Variants in ST18 observed in about 807,000 individuals in gnomAD.
ST18 encodes the protein suppression of tumorigenicity 18 protein.
In ST18, 50 loss-of-function variants were observed where a neutral mutation model predicts 110.0. The observed-to-expected ratio is 0.45, with a 90% CI of 0.36 to 0.58. The LOEUF is 0.58. ST18 is among the 20% of genes least tolerant of loss of function. The pLI, the probability that ST18 is intolerant of heterozygous loss-of-function variation, is 0.00. For synonymous variants in ST18, 461 were observed against 452.4 expected, an observed-to-expected ratio of 1.02 and a Z score of -0.24; for missense variants, 1,306 against 1,280.1, an observed-to-expected ratio of 1.02 and a Z score of -0.31.
chr8:52,166,735 G>A, intron 11 of ST18, 117 bp downstream of exon 11: 1 of 1,331,938 alleles, frequency 7.5e-7, no homozygotes, highest in Non-Finnish European at 9.9e-7. Flanking sequence ...GAATTGGCTT[G>A]ACATAGTTTA....
chr8:52,127,071 AAGTT>A (rs2047382566), intron 22 of ST18, among the ~76,000 whole-genome samples: 1 of 152,194 alleles, frequency 6.6e-6, no homozygotes, highest in Non-Finnish European at 1.5e-5. Context: ...TTTCTGCAGA[AAGTT>A]AGTTACAACT....
intron 8 of ST18, among the ~76,000 whole-genome samples, chr8:52,185,336 T>C (rs904443423): frequency 2.0e-5 from 3 of 152,184 alleles, no homozygotes; most frequent in African/African-American, 7.2e-5. Context: ...TATAGCAATT[T>C]CAACTCTCCC....
chr8:52,199,549 C>T (rs755625241), intron 8 of ST18: 6 of 152,096 alleles, frequency 3.9e-5, no homozygotes, highest in Non-Finnish European at 7.4e-5. Context: ...GAACATCAAA[C>T]CTTTATTCAT....
intron 2 of ST18, among the ~76,000 whole-genome samples, chr8:52,257,263 T>C (rs745698264): frequency 1.3e-5 from 2 of 152,224 alleles, no homozygotes; most frequent in Non-Finnish European, 2.9e-5. Flanking sequence ...AGTGTTTGTG[T>C]GGACATATGT....
intron 8 of ST18, among the ~76,000 whole-genome samples, chr8:52,191,889 A>G (rs2074620906): frequency 6.6e-6 from 1 of 152,190 alleles, no homozygotes; most frequent in Admixed American, 6.5e-5. Flanking sequence ...AGGAGGTCTG[A>G]GGAAGAGGCA....
chr8:52,380,990 T>G (rs1834309071), intron 2 of ST18, among the ~76,000 whole-genome samples: 1 of 152,188 alleles, frequency 6.6e-6, no homozygotes, highest in Non-Finnish European at 1.5e-5. Flanking sequence ...TTCTGGTATT[T>G]TCTCCCAGCT....
At chr8:52,336,436 C>G (rs1812117495) in intron 2 of ST18, among the ~76,000 whole-genome samples, 1 of 152,148 alleles carries the variant, frequency 6.6e-6, no homozygotes, top group South Asian at 2.1e-4. Flanking sequence ...CAGGTGTGAG[C>G]CACCACACCA....
rs1397594972 is a variant in ST18, at chr8:52,180,316, T to C, written c.87-4A>G. On this transcript the variant is annotated splice_region_variant and splice_polypyrimidine_tract_variant and intron_variant, in intron 8 of 25. Transcript: ENST00000689386. ...CATGGAGCAATCATAGGCAACACTG[T>C]AGTGATTGAGGAAAATTAAGAATAT... The C allele has an allele frequency of 1.9e-6, 3 of 1,613,580 alleles. No individual in the cohort carries two copies. Among genetic ancestry groups the C allele is most frequent in the South Asian group, 1.1e-5 (1 of 91,060 alleles).
At chr8:52,249,562 G>A (rs1311620908) in intron 2 of ST18, 1 of 151,904 alleles carries the variant, frequency 6.6e-6, no homozygotes, top group Non-Finnish European at 1.5e-5. Context: ...TAGCTGCCAG[G>A]GTACAATGGG....
In ST18 at chr8:52,172,555, T is replaced by A; in HGVS notation, c.306A>T (p.Glu102Asp). 6.3e-7 allele frequency: 1 copy of A among 1,594,534 alleles called. No individual in the cohort carries two copies. Among genetic ancestry groups the A allele is most frequent in the Non-Finnish European group, 8.5e-7 (1 of 1,172,610 alleles). ...TTTCTTGTGCAGTTGAAAGAAGACT[T>A]TCATCCATAGGTTTTATCATGATTT... is the stretch of plus-strand genomic sequence containing the variant. ...AEEIMIKPMDESLLSTAQENS... is the reference protein window; with the variant it reads ...AEEIMIKPMDDSLLSTAQENS... Residue 102 changes from glutamate to aspartate, a missense_variant, in exon 10 of 26, where the codon GAA becomes GAT. Coordinates refer to ENST00000689386, the MANE Select transcript of ST18 (RefSeq NM_001352837.2).
chr8:52,326,805 T>A (rs1806637842), intron 2 of ST18, among the ~76,000 whole-genome samples: 1 of 152,208 alleles, frequency 6.6e-6, no homozygotes, highest in South Asian at 2.1e-4. Context: ...AGGACAGTGA[T>A]TTAACGCCTG....
intron 2 of ST18, among the ~76,000 whole-genome samples, chr8:52,253,964 A>G (rs1471639074): frequency 4.5e-5 from 6 of 133,762 alleles, no homozygotes; most frequent in African/African-American, 8.3e-5. Flanking sequence ...AAAGAGAGTG[A>G]AAGTGTGAGA....
chr8:52,121,552 C>T (rs552055395), intron 23 of ST18, among the ~76,000 whole-genome samples: 3 of 152,170 alleles, frequency 2.0e-5, no homozygotes, highest in East Asian at 3.9e-4. Flanking sequence ...AATATTAACT[C>T]GTATGATCCT....
chr8:52,191,103 T>A (rs7838823), intron 8 of ST18, among the ~76,000 whole-genome samples: 1 of 152,068 alleles, frequency 6.6e-6, no homozygotes, highest in Non-Finnish European at 1.5e-5. Context: ...TTTGGCTGCA[T>A]AGCAAGTCCA....
intron 2 of ST18, among the ~76,000 whole-genome samples, chr8:52,325,233 A>G (rs1276025873): frequency 1.3e-5 from 2 of 152,218 alleles, no homozygotes; most frequent in African/African-American, 4.8e-5. Context: ...GAAAAACATG[A>G]AAAGGAAATC....
chr8:52,310,959 T>C (rs1298410438), intron 2 of ST18, among the ~76,000 whole-genome samples: 1 of 152,298 alleles, frequency 6.6e-6, no homozygotes, highest in African/African-American at 2.4e-5. Flanking sequence ...TGAGGTAGTG[T>C]GGTGAGCACA....
chr8:52,238,588 T>TA (rs2093010542), intron 2 of ST18, among the ~76,000 whole-genome samples: 1 of 152,130 alleles, frequency 6.6e-6, no homozygotes, highest in Non-Finnish European at 1.5e-5. Flanking sequence ...GAAATCCACC[T>TA]AATTGTCCAT....
At position 52,171,816 on chromosome 8, in the gene ST18, C is replaced by T. The variant is rs966230946; in HGVS notation, c.1045G>A (p.Gly349Arg). ...CGTTTATTGTTAAAGATTTGTCTTC[C>T]ACCCATGTCGATAACTTTGGTTTGC... Reference protein sequence around the residue: ...RRQTKVIDMGGRQIFNNKHSP... With the variant: ...RRQTKVIDMGRRQIFNNKHSP... The change falls in exon 10 of 26, where the codon GGA becomes AGA. Residue 349 changes from glycine to arginine, a missense_variant. Gly to Arg is a moderately radical substitution (Grantham distance 125, BLOSUM62 -2). Coordinates refer to ENST00000689386, the MANE Select transcript of ST18 (RefSeq NM_001352837.2). 1 of 1,613,236 alleles carries T rather than the reference C, an allele frequency of 6.2e-7. No homozygotes were observed. Among genetic ancestry groups the T allele is most frequent in the African/African-American group, 1.3e-5 (1 of 74,854 alleles).
chr8:52,383,931 T>C (rs1477930396), intron 2 of ST18, among the ~76,000 whole-genome samples: 3 of 152,086 alleles, frequency 2.0e-5, no homozygotes, highest in African/African-American at 7.2e-5. Context: ...TTTTGTTTTG[T>C]TTTGGAGAGG....
Sources: allele counts gnomAD v4.1 joint callset (sites outside exome capture counted in the v4.1 genomes callset), GRCh38; gene constraint gnomAD v4.1.1; transcripts MANE v1.5; gene names NCBI Gene and HGNC (gene_info 2026-07-23, HGNC 2026-07-21).